The following CELF2 variants were observed in gnomAD, a reference collection of about 807,000 sequenced individuals.
CELF2 encodes CUG triplet repeat RNA-binding protein 2.
In CELF2, 8 loss-of-function variants were observed where a neutral mutation model predicts 62.6. The ratio of observed to expected loss-of-function variants is 0.13; its 90% confidence interval spans 0.07 to 0.23. CELF2 has a LOEUF of 0.23. CELF2 is among the 10% of genes least tolerant of loss of function. The pLI is 1.00. For synonymous variants in CELF2, 258 were observed against 250.0 expected (o/e 1.03, Z -0.30); for missense variants, 333 against 671.0 (o/e 0.50, Z 5.56).
the CELF2 span, among the ~76,000 whole-genome samples, chr10:10,465,385 A>C: frequency 5.3e-5 from 8 of 152,274 alleles, no homozygotes; most frequent in Middle Eastern, 0.01. Flanking sequence ...GCATTGTATC[A>C]GGCTATTGGG....
chr10:10,652,854 T>G, the CELF2 span, among the ~76,000 whole-genome samples: 1 of 150,902 alleles, frequency 6.6e-6, no homozygotes, highest in African/African-American at 2.4e-5. Context: ...AATGACAGGA[T>G]CAAATTCACA....
intron 2 of CELF2, among the ~76,000 whole-genome samples, chr10:11,190,363 A>G (rs1018865882): frequency 6.6e-6 from 1 of 152,182 alleles, no homozygotes; most frequent in African/African-American, 2.4e-5. Flanking sequence ...TAATGGGAAA[A>G]TTAAATTGTT....
At chr10:10,574,872 G>GTTT in the CELF2 span, among the ~76,000 whole-genome samples, 4 of 106,006 alleles carry the variant, frequency 3.8e-5, no homozygotes, top group African/African-American at 1.3e-4. Context: ...ACCATGCCTG[G>GTTT]TTTTTTTTTT....
At chr10:11,179,575 T>A (rs1185826152) in intron 2 of CELF2, among the ~76,000 whole-genome samples, 1 of 152,210 alleles carries the variant, frequency 6.6e-6, no homozygotes, top group Non-Finnish European at 1.5e-5. Context: ...AGCAGAGACA[T>A]GCTTGTATTC....
At chr10:11,038,728 T>C (rs2061360438) in intron 1 of CELF2, among the ~76,000 whole-genome samples, 1 of 152,180 alleles carries the variant, frequency 6.6e-6, no homozygotes, top group Non-Finnish European at 1.5e-5. Context: ...AGGATAAAAG[T>C]CAAGGATTAT....
chr10:10,537,369 A>C, the CELF2 span, among the ~76,000 whole-genome samples: 1 of 152,238 alleles, frequency 6.6e-6, no homozygotes, highest in Non-Finnish European at 1.5e-5. Flanking sequence ...AACAATGTGA[A>C]GAATCCAAGG....
chr10:10,749,223 C>T, the CELF2 span, among the ~76,000 whole-genome samples: 1 of 152,116 alleles, frequency 6.6e-6, no homozygotes, highest in African/African-American at 2.4e-5. Flanking sequence ...ATAGAATACT[C>T]ATGATTCTAG....
chr10:10,545,821 T>C, the CELF2 span, among the ~76,000 whole-genome samples: 1 of 152,180 alleles, frequency 6.6e-6, no homozygotes, highest in Non-Finnish European at 1.5e-5. Context: ...CAGAAATATT[T>C]TGCAGTGAAC....
rs2096014293 is a variant in CELF2 at position 11,331,357 on chromosome 10, A to C, written c.*2304A>C. 1 of 151,768 alleles carries C rather than the reference A, an allele frequency of 6.6e-6. No homozygotes were observed. Among genetic ancestry groups the C allele is most frequent in the South Asian group, 2.1e-4 (1 of 4,814 alleles). The allele number at this position is 151,768 out of a possible 1,614,324, so 9.4% of individuals were successfully genotyped here. Reference sequence around the variant, plus strand: ...ATTTCATGTGAGGGAAAAAAAAAAAACCTATTCCAGAATAAGTTTTGTGTT... The same window carrying C: ...ATTTCATGTGAGGGAAAAAAAAAAACCCTATTCCAGAATAAGTTTTGTGTT... On this transcript the variant is annotated 3_prime_UTR_variant, in exon 13 of 13. Transcript: ENST00000633077.
At chr10:10,642,300 G>A in the CELF2 span, among the ~76,000 whole-genome samples, 1 of 152,146 alleles carries the variant, frequency 6.6e-6, no homozygotes, top group African/African-American at 2.4e-5. Flanking sequence ...ATTCCAGACA[G>A]GTCACACCAA....
the CELF2 span, among the ~76,000 whole-genome samples, chr10:10,608,755 A>C: frequency 6.6e-6 from 1 of 152,138 alleles, no homozygotes; most frequent in Non-Finnish European, 1.5e-5. Context: ...CAGGAGTCTA[A>C]GGAAAGCTTC....
the CELF2 span, among the ~76,000 whole-genome samples, chr10:10,626,361 T>C: frequency 1.3e-5 from 2 of 152,198 alleles, no homozygotes; most frequent in Non-Finnish European, 2.9e-5. Context: ...GTGCTAGGTA[T>C]GGAGTAAATG....
chr10:10,597,572 C>A, the CELF2 span, among the ~76,000 whole-genome samples: 8 of 152,146 alleles, frequency 5.3e-5, no homozygotes, highest in South Asian at 1.7e-3. Context: ...AATAAATGAC[C>A]TTTTGATATC....
At chr10:10,525,567 C>T in the CELF2 span, among the ~76,000 whole-genome samples, 1 of 152,164 alleles carries the variant, frequency 6.6e-6, no homozygotes, top group African/African-American at 2.4e-5. Flanking sequence ...ATTTTAGATT[C>T]TACCTGTAAG....
At chr10:10,491,287 A>AAT in the CELF2 span, among the ~76,000 whole-genome samples, 3 of 152,212 alleles carry the variant, frequency 2.0e-5, no homozygotes, top group African/African-American at 7.2e-5. Flanking sequence ...AGACACACTG[A>AAT]ATAGATGCAG....
intron 3 of CELF2, among the ~76,000 whole-genome samples, chr10:11,230,317 C>T (rs1370710291): frequency 6.6e-6 from 1 of 152,120 alleles, no homozygotes. Flanking sequence ...ATTGAAAATA[C>T]TGAATCCTGG....
intron 1 of CELF2, among the ~76,000 whole-genome samples, chr10:10,866,682 C>T (rs958401646): frequency 6.7e-6 from 1 of 149,444 alleles, no homozygotes; most frequent in East Asian, 2.0e-4. Flanking sequence ...GAGGGCCGGG[C>T]GCGGTGGCTC....
chr10:11,068,234 C>T (rs2068693013), intron 1 of CELF2, among the ~76,000 whole-genome samples: 3 of 152,204 alleles, frequency 2.0e-5, no homozygotes, highest in Admixed American at 6.5e-5. Flanking sequence ...AATACTCATA[C>T]TAATCAGACC....
chr10:11,270,908 G>T lies in CELF2; in HGVS notation c.777+84G>T, dbSNP rs1050629575. ...TTCCCCTCCCTACGCTGAGGCATTT[G>T]TTTTCAGTACATTTTCAATCTCGGG... On this transcript the variant is annotated intron_variant, in intron 7 of 12. Coordinates refer to ENST00000633077, the MANE Select transcript of CELF2 (RefSeq NM_001326342.2). The surrounding 1 kb of genome is among the most constrained non-coding windows in gnomAD (Gnocchi z 5.8). 15 of 1,200,438 alleles carry T rather than the reference G, an allele frequency of 1.2e-5. No individual in the cohort carries two copies. Among genetic ancestry groups the T allele is most frequent in the Non-Finnish European group, 1.6e-5 (15 of 915,754 alleles). 74.4% of individuals were successfully genotyped at this position (1,200,438 alleles called of 1,614,324 possible). A position where few individuals can be genotyped will look rare whatever the true frequency, so the allele number is the denominator to read the frequency against.
Sources: allele counts gnomAD v4.1 joint callset (sites outside exome capture counted in the v4.1 genomes callset), GRCh38; gene constraint gnomAD v4.1.1; non-coding constraint Gnocchi (gnomAD v3.1); transcripts MANE v1.5; gene names NCBI Gene and HGNC (gene_info 2026-07-23, HGNC 2026-07-21).